Variants in LPAR3 observed in about 807,000 individuals in gnomAD.
LPAR3 encodes LPA receptor 3.
A neutral mutation model predicts 17.8 loss-of-function variants in LPAR3; 7 were observed. The ratio of observed to expected loss-of-function variants is 0.39; its 90% CI spans 0.22 to 0.74. The LOEUF (loss-of-function observed/expected upper bound fraction) is 0.74. Ranked by LOEUF, LPAR3 falls within the 30% of genes least tolerant of loss-of-function variation. LPAR3 has a pLI of 0.40. For synonymous variants in LPAR3, 179 were observed against 179.9 expected (o/e 0.99, Z 0.04); for missense variants, 391 against 453.4 (o/e 0.86, Z 1.25).
chr1:84,824,732 G>A (rs1659120891), intron 2 of LPAR3, among the ~76,000 whole-genome samples: 1 of 152,182 alleles, frequency 6.6e-6, no homozygotes, highest in African/African-American at 2.4e-5. Flanking sequence ...TACTTCCTCT[G>A]CTGTCCTTCT....
chr1:84,852,390 T>C (rs1358436729), intron 2 of LPAR3, among the ~76,000 whole-genome samples: 1 of 152,202 alleles, frequency 6.6e-6, no homozygotes. Flanking sequence ...ATTTGGTGAA[T>C]AATTTTAGAT....
intron 2 of LPAR3, among the ~76,000 whole-genome samples, chr1:84,818,844 C>T (rs1332722358): frequency 2.0e-5 from 3 of 152,078 alleles, no homozygotes; most frequent in South Asian, 2.1e-4. Context: ...TTAACTGTAC[C>T]GTGATTTGCA....
chr1:84,881,903 T>G (rs1021628300), intron 1 of LPAR3, among the ~76,000 whole-genome samples: 2 of 152,160 alleles, frequency 1.3e-5, no homozygotes, highest in African/African-American at 4.8e-5. Context: ...ACTGAAAGCT[T>G]TTGCTCCAAG....
At position 84,814,090 on chromosome 1, in the gene LPAR3, T is replaced by C. The variant is rs1658880011; in HGVS notation, c.818A>G (p.His273Arg). The C allele has an allele frequency of 6.2e-7, 1 of 1,614,160 alleles. No homozygotes were observed. ...CAGCAGCAGGAACCACCTTTTCACA[T>C]GCTGCACGCCACACTGCCTGCAGTT... is the stretch of plus-strand genomic sequence containing the variant. ...GLNCRQCGVQ[H>R]VKRWFLLLAL... Residue 273 changes from histidine to arginine, a missense_variant, in exon 3 of 3, where the codon CAT becomes CGT. By Grantham distance (29) the His-to-Arg change is conservative. Transcript: ENST00000370611.
chr1:84,823,516 A>G (rs746660433), intron 2 of LPAR3, among the ~76,000 whole-genome samples: 3 of 152,168 alleles, frequency 2.0e-5, no homozygotes, highest in Non-Finnish European at 4.4e-5. Context: ...AGTGTTGGGT[A>G]TTTTGACTCT....
rs1658876143 is a variant in LPAR3 at position 84,814,014 on chromosome 1, C to T, written c.894G>A (p.Glu298=). The change falls in exon 3 of 3, where the codon GAG becomes GAA. Residue 298 remains glutamate, a synonymous_variant. Coordinates refer to ENST00000370611, the MANE Select transcript of LPAR3 (RefSeq NM_012152.3). The part of the protein sequence containing the change: ...VNPIIYSYKD[E]DMYGTMKKMI... The stretch of plus-strand genomic sequence containing the variant: ...TCTTCTTCATGGTGCCATACATGTC[C>T]TCGTCCTTGTAGGAGTAGATGATGG... 6.2e-7 allele frequency: 1 copy of T among 1,614,176 alleles called. No individual in the cohort carries two copies. Among genetic ancestry groups the T allele is most frequent in the Non-Finnish European group, 8.5e-7 (1 of 1,180,030 alleles).
At chr1:84,815,122 T>G (rs2102742621) in intron 2 of LPAR3, among the ~76,000 whole-genome samples, 1 of 152,292 alleles carries the variant, frequency 6.6e-6, no homozygotes, top group Non-Finnish European at 1.5e-5. Flanking sequence ...TTGGCATTAT[T>G]ATTATCCCCA....
At chr1:84,847,523 A>T (rs1356879924) in intron 2 of LPAR3, among the ~76,000 whole-genome samples, 2 of 152,204 alleles carry the variant, frequency 1.3e-5, no homozygotes. Context: ...GCCTGGAGCC[A>T]GTTGGAGTCC....
Position 84,889,925 on chromosome 1 carries a change from C to T in LPAR3, c.-19+3091G>A, listed in dbSNP as rs111521568. ...GGTAGAAAAGTAATTATTATCCCCA[C>T]TATATAAATGAAAAAAACTTAAACA... On this transcript the variant is annotated intron_variant, in intron 1 of 2. Transcript: ENST00000370611. Among the ~76,000 whole-genome samples the T allele has an allele frequency of 7.9e-3, 1,196 of 152,280 alleles. 14 individuals are homozygous for T. Among genetic ancestry groups the T allele is most frequent in the African/African-American group, 0.027 (1,120 of 41,542 alleles).
intron 2 of LPAR3, among the ~76,000 whole-genome samples, chr1:84,835,994 C>T (rs995792417): frequency 5.3e-5 from 8 of 150,148 alleles, no homozygotes; most frequent in Admixed American, 2.0e-4. Context: ...TGAATGCCCC[C>T]CCAACCCCGG....
intron 2 of LPAR3, among the ~76,000 whole-genome samples, chr1:84,820,764 T>G (rs1432719674): frequency 6.6e-6 from 1 of 152,182 alleles, no homozygotes; most frequent in Non-Finnish European, 1.5e-5. Context: ...TCTAAGCATC[T>G]AGAATGGTGT....
At chr1:84,850,107 G>A (rs1659673450) in intron 2 of LPAR3, among the ~76,000 whole-genome samples, 1 of 152,172 alleles carries the variant, frequency 6.6e-6, no homozygotes, top group African/African-American at 2.4e-5. Flanking sequence ...GAGGAGACAG[G>A]CGGAAGAAGG....
At chr1:84,836,107 C>T (rs987338747) in intron 2 of LPAR3, among the ~76,000 whole-genome samples, 3 of 133,786 alleles carry the variant, frequency 2.2e-5, no homozygotes, top group African/African-American at 5.6e-5. Flanking sequence ...GAGGCCAAGG[C>T]GGGCAAACTG....
chr1:84,877,688 T>C (rs1660284338), intron 1 of LPAR3, among the ~76,000 whole-genome samples: 2 of 152,224 alleles, frequency 1.3e-5, no homozygotes, highest in African/African-American at 4.8e-5. Context: ...TAAAATGGAT[T>C]TTTATTTACT....
intron 1 of LPAR3, among the ~76,000 whole-genome samples, chr1:84,888,135 T>C (rs2102775618): frequency 8.6e-6 from 1 of 115,804 alleles, no homozygotes; most frequent in South Asian, 3.0e-4. Context: ...ATTTTATATA[T>C]ATATATATAC....
chr1:84,874,704 A>G (rs1233930056), intron 1 of LPAR3, among the ~76,000 whole-genome samples: 2 of 152,230 alleles, frequency 1.3e-5, no homozygotes, highest in East Asian at 3.8e-4. Context: ...ATTAGGCTAG[A>G]AAGATGACTA....
chr1:84,876,549 AG>A (rs1367797512), intron 1 of LPAR3, among the ~76,000 whole-genome samples: 2 of 152,212 alleles, frequency 1.3e-5, no homozygotes, highest in East Asian at 3.9e-4. Context: ...TTTCAGGTTG[AG>A]AGGTGTTAAC....
In LPAR3 at chr1:84,865,507, A is replaced by G. The variant is rs753838121; in HGVS notation, c.614T>C (p.Val205Ala). The G allele has an allele frequency of 5.0e-6, 8 of 1,614,196 alleles. No homozygotes were observed. The highest frequency in any genetic ancestry group is 3.4e-6 in the Non-Finnish European group (4 of 1,180,048). ...NLMAFLIMVV[V>A]YLRIYVYVKR... Reference sequence around the variant, plus strand: ...GACGTACACGTAGATCCGCAGGTACACCACAACCATGATGAGGAAGGCCAT... The same window carrying G: ...GACGTACACGTAGATCCGCAGGTACGCCACAACCATGATGAGGAAGGCCAT... The change falls in exon 2 of 3, where the codon GTG (valine) becomes GCG (alanine). Residue 205 changes from valine (V) to alanine (A), a missense_variant. Transcript: ENST00000370611.
At chr1:84,877,639 G>A (rs1206134132) in intron 1 of LPAR3, among the ~76,000 whole-genome samples, 3 of 152,062 alleles carry the variant, frequency 2.0e-5, no homozygotes, top group Non-Finnish European at 2.9e-5. Context: ...TCTATAATCC[G>A]TACAACTGGA....
Sources: gnomAD v4.1 joint callset for allele counts (sites outside exome capture counted in the v4.1 genomes callset) on GRCh38, gnomAD v4.1.1 for gene constraint, MANE v1.5 for transcripts, NCBI Gene and HGNC (gene_info 2026-07-23, HGNC 2026-07-21) for gene names.